Variants in YTHDF2 observed in about 807,000 individuals in gnomAD.
YTHDF2 encodes the protein YTH N6-methyladenosine RNA binding protein F2.
A neutral mutation model predicts 50.4 loss-of-function variants in YTHDF2; 2 were observed. That is an observed-to-expected ratio of 0.04 (90% CI 0.02 to 0.12). YTHDF2 has a LOEUF of 0.12. Ranked by LOEUF, YTHDF2 falls within the 10% of genes least tolerant of loss-of-function variation. The probability of loss-of-function intolerance (pLI) is 1.00; values close to 1 mark genes in which losing one functional copy is unlikely to be tolerated. For missense variants in YTHDF2, 483 were observed against 722.6 expected (o/e 0.67, Z 3.80); for synonymous variants, 217 against 255.6 (o/e 0.85, Z 1.44).
At chr1:28,737,978 C>G in intron 2 of YTHDF2, 1 of 580,922 alleles carries the variant, frequency 1.7e-6, no homozygotes. Context: ...GGATCACTCT[C>G]TGGAAGTACT....
chr1:28,755,746 A>G (rs1287878672), intron 4 of YTHDF2, among the ~76,000 whole-genome samples: 2 of 152,236 alleles, frequency 1.3e-5, no homozygotes, highest in Non-Finnish European at 2.9e-5. Flanking sequence ...TGAAAATCTG[A>G]AATGCCCCAA....
At chr1:28,744,551 CTA>C (rs1426548064) in intron 4 of YTHDF2, among the ~76,000 whole-genome samples, 5 of 152,324 alleles carry the variant, frequency 3.3e-5, no homozygotes, top group South Asian at 2.1e-4. Flanking sequence ...TGGATTCAAA[CTA>C]GAGTTGAATT....
intron 4 of YTHDF2, among the ~76,000 whole-genome samples, chr1:28,761,310 A>C (rs1345184508): frequency 6.6e-6 from 1 of 152,002 alleles, no homozygotes; most frequent in Non-Finnish European, 1.5e-5. Flanking sequence ...CTAATTAAAA[A>C]AACTTTTTGG....
rs562959627 is a variant in YTHDF2, at chr1:28,763,941, T to A, written c.1717-4988T>A. ...TATCTTTATTATTATTATTATTTTT[T>A]AAATTTATTTATTTTATTTTTTTTT... On this transcript the variant is annotated intron_variant, in intron 4 of 4. Coordinates refer to ENST00000373812, the MANE Select transcript of YTHDF2 (RefSeq NM_016258.3). Among the ~76,000 whole-genome samples, 38 of 141,468 alleles carry A rather than the reference T, an allele frequency of 2.7e-4. 2 individuals carry two copies. In the South Asian group the frequency reaches 7.1e-3, roughly 27 times the overall value. 92.8% of individuals were successfully genotyped at this position (141,468 alleles called of 152,430 possible).
chr1:28,739,944 A>G (rs1455924527), intron 3 of YTHDF2, among the ~76,000 whole-genome samples: 1 of 152,338 alleles, frequency 6.6e-6, no homozygotes, highest in African/African-American at 2.4e-5. Context: ...AATGCCCTGA[A>G]AGGTCAAGAA....
intron 4 of YTHDF2, 97 bp from the exon 5 acceptor site, chr1:28,768,832 A>G: frequency 2.2e-6 from 2 of 914,206 alleles, no homozygotes; most frequent in East Asian, 2.8e-5. Flanking sequence ...AATTCTAAAT[A>G]ATTAAATTTC....
At chr1:28,739,594 C>G (rs10915191) in intron 3 of YTHDF2, among the ~76,000 whole-genome samples, 10,455 of 152,132 alleles carry the variant, frequency 0.069, 997 homozygotes, top group African/African-American at 0.22. Context: ...AGCCACCATG[C>G]CCGGCTGAGT....
chr1:28,763,691 G>C (rs1399858135), intron 4 of YTHDF2, among the ~76,000 whole-genome samples: 2 of 151,564 alleles, frequency 1.3e-5, no homozygotes, highest in East Asian at 1.9e-4. Context: ...TCCTGACCTG[G>C]TGATCCGCCC....
At chr1:28,738,170 A>T in intron 2 of YTHDF2, 89 bp from the exon 3 acceptor site, 2 of 1,003,248 alleles carry the variant, frequency 2.0e-6, no homozygotes, top group Non-Finnish European at 3.1e-6. Flanking sequence ...GTTAACTAGT[A>T]AGGTTTTTCT....
chr1:28,738,317 C>T lies in YTHDF2; in HGVS notation c.111C>T (p.Tyr37=), dbSNP rs753557453. The T allele has an allele frequency of 3.7e-6, 6 of 1,614,060 alleles. No individual in the cohort carries two copies. The highest frequency in any genetic ancestry group is 5.1e-6 in the Non-Finnish European group (6 of 1,179,970). ...TAAACGATGATGATTTTGAACCTTACTTGAGTCCACAGGCAAGGCCCGTGA... is the reference window on the plus strand; with the variant it reads ...TAAACGATGATGATTTTGAACCTTATTTGAGTCCACAGGCAAGGCCCGTGA... ...DGLNDDDFEP[Y]LSPQARPNNA... is the part of the protein sequence containing the mutation. The change falls in exon 3 of 5, where the codon TAC becomes TAT. Residue 37 remains tyrosine, a synonymous_variant. Transcript: ENST00000373812.
At chr1:28,760,958 G>C (rs1314553533) in intron 4 of YTHDF2, among the ~76,000 whole-genome samples, 1 of 152,056 alleles carries the variant, frequency 6.6e-6, no homozygotes, top group Admixed American at 6.6e-5. Context: ...CGGTAGGTTT[G>C]TTTACACCGC....
chr1:28,750,838 A>G (rs2087939707), intron 4 of YTHDF2, among the ~76,000 whole-genome samples: 1 of 152,030 alleles, frequency 6.6e-6, no homozygotes, highest in African/African-American at 2.4e-5. Context: ...CATGCCTGTA[A>G]TTCCAGCATT....
intron 4 of YTHDF2, among the ~76,000 whole-genome samples, chr1:28,768,564 C>CT (rs993668146): frequency 3.9e-5 from 6 of 152,164 alleles, no homozygotes; most frequent in African/African-American, 9.7e-5. Context: ...CAGTCTGACT[C>CT]TAACACTCTA....
In YTHDF2 at chr1:28,742,384, C is replaced by CTTT. The variant is rs764184098; in HGVS notation, c.133-12_133-10dup. 3 of 1,513,598 alleles carry CTTT rather than the reference C, an allele frequency of 2.0e-6. No individual in the cohort carries two copies. Among genetic ancestry groups the CTTT allele is most frequent in the Non-Finnish European group, 1.8e-6 (2 of 1,131,156 alleles). 93.8% of individuals were successfully genotyped at this position (1,513,598 alleles called of 1,614,324 possible). ...GTTAATTTTTTGTGTTTTGATTTGCCTTTTTTTTTCTTCCACAGAATAATG... is the reference window on the plus strand; with the variant it reads ...GTTAATTTTTTGTGTTTTGATTTGCCTTTTTTTTTTTTCTTCCACAGAATAATG... On this transcript the variant is annotated intron_variant, in intron 3 of 4. Coordinates refer to ENST00000373812, the MANE Select transcript of YTHDF2 (RefSeq NM_016258.3).
intron 4 of YTHDF2, among the ~76,000 whole-genome samples, chr1:28,753,390 A>AAAAAAAAAAAAAAC: frequency 7.4e-6 from 1 of 134,642 alleles, no homozygotes; most frequent in Non-Finnish European, 1.6e-5. Context: ...AAAAAAAAAA[A>AAAAAAAAAAAAAAC]AAAAAAAATC....
chr1:28,762,629 C>T (rs1482593279), intron 4 of YTHDF2, among the ~76,000 whole-genome samples: 5 of 151,952 alleles, frequency 3.3e-5, no homozygotes. Flanking sequence ...TTATGGCCCA[C>T]TTGAAAGTGA....
intron 4 of YTHDF2, among the ~76,000 whole-genome samples, chr1:28,765,856 C>A (rs1427461719): frequency 6.6e-6 from 1 of 152,176 alleles, no homozygotes; most frequent in Admixed American, 6.6e-5. Context: ...CAGAGAGTTA[C>A]AGTCTAGACA....
Position 28,743,650 on chromosome 1 carries a change from T to C in YTHDF2, c.1380T>C (p.Ser460=), listed in dbSNP as rs2087813602. The change falls in exon 4 of 5, where the codon AGT becomes AGC. Residue 460 remains serine (S), a synonymous_variant. Coordinates refer to ENST00000373812, the MANE Select transcript of YTHDF2 (RefSeq NM_016258.3). This position sits in a 1 kb window ranked among gnomAD's most constrained non-coding sequence, Gnocchi z 6.9. ...NGKGPVYLLF[S]VNGSGHFCGV... ...AAGGCCCCGTTTACTTACTTTTCAG[T>C]GTCAACGGCAGTGGACACTTCTGTG... 4 of 1,614,222 alleles carry C rather than the reference T, an allele frequency of 2.5e-6. No homozygotes were observed. The East Asian group carries it at 6.7e-5, about 27-fold the overall frequency.
intron 4 of YTHDF2, among the ~76,000 whole-genome samples, chr1:28,754,775 G>C (rs939438341): frequency 1.3e-5 from 2 of 152,068 alleles, no homozygotes; most frequent in African/African-American, 4.8e-5. Flanking sequence ...CTGCACTCCA[G>C]CCTGGGCAAT....
Sources: gnomAD v4.1 joint callset for allele counts (sites outside exome capture counted in the v4.1 genomes callset) on GRCh38, gnomAD v4.1.1 for gene constraint, Gnocchi (gnomAD v3.1) non-coding constraint, MANE v1.5 for transcripts, NCBI Gene and HGNC (gene_info 2026-07-23, HGNC 2026-07-21) for gene names.